Variants in RAB9B observed in about 807,000 individuals in gnomAD.
RAB9B encodes the protein ras-related protein Rab-9B.
A neutral mutation model predicts 8.9 loss-of-function variants in RAB9B; 1 was observed. That is an observed-to-expected ratio of 0.11 (90% CI 0.04 to 0.53). RAB9B has a LOEUF of 0.53. RAB9B is among the 20% of genes least tolerant of loss of function. The pLI is 0.93. For missense variants in RAB9B, 82 were observed against 152.9 expected (o/e 0.54, Z 2.45); for synonymous variants, 63 against 57.0 (o/e 1.10, Z -0.47).
chrX:103,801,170 G>A, the RAB9B span, among the ~76,000 whole-genome samples: 10 of 110,786 alleles, frequency 9.0e-5, no homozygotes, highest in South Asian at 7.9e-4. Context: ...TCCTGTTACC[G>A]TGGACACTCA....
chrX:103,807,255 T>C, the RAB9B span, among the ~76,000 whole-genome samples: 1 of 112,007 alleles, frequency 8.9e-6, no homozygotes, highest in South Asian at 3.8e-4. Flanking sequence ...ACCTTTTTCC[T>C]CTTATTATAA....
chrX:103,785,934 C>T, the RAB9B span: 1 of 702,097 alleles, frequency 1.4e-6, no homozygotes, highest in South Asian at 2.7e-5. Context: ...ACATTCGAAG[C>T]CCATTCAGAA....
the RAB9B span, among the ~76,000 whole-genome samples, chrX:103,790,121 A>T: frequency 2.7e-5 from 3 of 112,295 alleles, no homozygotes; most frequent in African/African-American, 6.5e-5. Flanking sequence ...AAACGAATTG[A>T]TTCATTAACC....
At chrX:103,784,833 CTG>C in the RAB9B span, among the ~76,000 whole-genome samples, 1 of 112,031 alleles carries the variant, frequency 8.9e-6, no homozygotes, top group East Asian at 2.8e-4. Flanking sequence ...ATGGCAGAGT[CTG>C]TGTCTTTTCT....
the RAB9B span, among the ~76,000 whole-genome samples, chrX:103,778,136 A>G: frequency 8.9e-6 from 1 of 112,156 alleles, no homozygotes; most frequent in Non-Finnish European, 1.9e-5. Context: ...GAACTATGTG[A>G]CCTTGGACAG....
chrX:103,827,551 A>T (rs1258484304), intron 1 of RAB9B, among the ~76,000 whole-genome samples: 2 of 112,255 alleles, frequency 1.8e-5, no homozygotes, highest in African/African-American at 6.5e-5. Context: ...TCTGCAATTG[A>T]TTCCACATAA....
the RAB9B span, among the ~76,000 whole-genome samples, chrX:103,783,003 G>C: frequency 2.7e-5 from 3 of 112,158 alleles, no homozygotes; most frequent in Non-Finnish European, 5.6e-5. Flanking sequence ...AAAAGTCTAA[G>C]AGTTTGGGGG....
chrX:103,827,869 G>A (rs1158694267), intron 1 of RAB9B, among the ~76,000 whole-genome samples: 2 of 111,040 alleles, frequency 1.8e-5, no homozygotes, highest in Admixed American at 1.9e-4. Context: ...GTTTCACCAT[G>A]TTGCCCAGGT....
chrX:103,785,182 G>A, the RAB9B span, among the ~76,000 whole-genome samples: 3 of 110,563 alleles, frequency 2.7e-5, no homozygotes, highest in Non-Finnish European at 5.7e-5. Context: ...GGGTTTAACA[G>A]ATTCTCCTGT....
At chrX:103,820,267 A>G (rs1311781788), downstream of RAB9B, among the ~76,000 whole-genome samples, 1 of 112,526 alleles carries the variant, frequency 8.9e-6, no homozygotes, top group African/African-American at 3.2e-5. Context: ...AATCAAGTGT[A>G]AGAAAAACAC....
At chrX:103,783,463 C>T in the RAB9B span, among the ~76,000 whole-genome samples, 5 of 112,159 alleles carry the variant, frequency 4.5e-5, no homozygotes, top group Non-Finnish European at 7.5e-5. Context: ...GCTTCTGAGG[C>T]TCATCTTTGG....
chrX:103,779,530 G>A, the RAB9B span, among the ~76,000 whole-genome samples: 1 of 112,231 alleles, frequency 8.9e-6, no homozygotes, highest in Admixed American at 9.4e-5. Context: ...TGGAGACACT[G>A]ACTAAAATAA....
At chrX:103,828,828 G>T (rs765955341) in intron 1 of RAB9B, among the ~76,000 whole-genome samples, 2 of 112,147 alleles carry the variant, frequency 1.8e-5, no homozygotes, top group South Asian at 7.6e-4. Context: ...AAGGGAAAAA[G>T]AGGAAAAGCA....
the RAB9B span, chrX:103,785,602 A>G: frequency 8.3e-7 from 1 of 1,210,468 alleles, no homozygotes. Context: ...GTGCTGTGCA[A>G]GATGTCTGGT....
chrX:103,802,403 C>G, the RAB9B span, among the ~76,000 whole-genome samples: 1 of 111,407 alleles, frequency 9.0e-6, no homozygotes, highest in African/African-American at 3.3e-5. Context: ...AATGATTGAC[C>G]TGGAATGGCA....
chrX:103,776,851 A>G, the RAB9B span: 92 of 584,227 alleles, frequency 1.6e-4, no homozygotes, highest in African/African-American at 2.0e-3. Flanking sequence ...TTTTCATTGC[A>G]GGAGAAGAGG....
the RAB9B span, among the ~76,000 whole-genome samples, chrX:103,799,160 T>C: frequency 9.3e-6 from 1 of 107,751 alleles, no homozygotes; most frequent in Non-Finnish European, 1.9e-5. Context: ...ACATTTTATA[T>C]AATTACACAC....
chrX:103,781,383 T>G, the RAB9B span: 1 of 294,439 alleles, frequency 3.4e-6, no homozygotes, highest in Non-Finnish European at 6.8e-6. Flanking sequence ...AAAGTTGGAG[T>G]ATCAACTATC....
the RAB9B span, chrX:103,786,759 A>G: frequency 8.3e-7 from 1 of 1,203,922 alleles, no homozygotes; most frequent in Non-Finnish European, 1.1e-6. Context: ...GGCAATAACA[A>G]GGGGTGGGGG....
Sources: gnomAD v4.1 joint callset for allele counts (sites outside exome capture counted in the v4.1 genomes callset) on GRCh38, gnomAD v4.1.1 for gene constraint, MANE v1.5 for transcripts, NCBI Gene and HGNC (gene_info 2026-07-23, HGNC 2026-07-21) for gene names.